LARGE1: variants seen among roughly 807,000 people sequenced by gnomAD.
LARGE1 encodes the protein xylosyl- and glucuronyltransferase LARGE1.
Under a neutral mutation model 87.6 loss-of-function variants are expected in LARGE1, and 43 were observed. The observed-to-expected ratio is 0.49, with a 90% confidence interval of 0.38 to 0.63. The LOEUF is 0.63. Among genes scored for constraint, LARGE1 ranks in the 30% least tolerant of loss-of-function variants. The pLI, the probability that LARGE1 is intolerant of heterozygous loss-of-function variation, is 0.00. For synonymous variants in LARGE1, 434 were observed against 394.6 expected (o/e 1.10, Z -1.18); for missense variants, 802 against 1,000.2 (o/e 0.80, Z 2.67).
chr22:33,840,253 A>G (rs922537699), intron 1 of LARGE1, among the ~76,000 whole-genome samples: 1 of 152,218 alleles, frequency 6.6e-6, no homozygotes, highest in Non-Finnish European at 1.5e-5. Context: ...CCCTCACTGT[A>G]AAATCTAGGA....
intron 9 of LARGE1, 118 bp downstream of exon 9, chr22:33,381,801 C>T (rs1381687977): frequency 4.5e-6 from 6 of 1,322,412 alleles, no homozygotes; most frequent in East Asian, 2.3e-5. Flanking sequence ...ATTCTGCTCT[C>T]CTGTGCCCTT....
intron 11 of LARGE1, among the ~76,000 whole-genome samples, chr22:33,224,012 G>C (rs1414094077): frequency 1.3e-5 from 2 of 152,194 alleles, no homozygotes; most frequent in African/African-American, 4.8e-5. Context: ...AAAGTGCTCA[G>C]GATGGGCGCG....
chr22:33,436,545 A>C (rs1451443941), intron 6 of LARGE1: 1 of 154,238 alleles, frequency 6.5e-6, no homozygotes, highest in Non-Finnish European at 1.5e-5. Context: ...CGGTTTCTAG[A>C]AGGAGGGATT....
intron 6 of LARGE1, among the ~76,000 whole-genome samples, chr22:33,449,516 C>CT (rs1316975096): frequency 6.6e-6 from 1 of 152,222 alleles, no homozygotes; most frequent in African/African-American, 2.4e-5. Flanking sequence ...ATCAAGCACT[C>CT]TGACTCCAAA....
At chr22:33,167,263 TA>T (rs1478851695) in intron 11 of LARGE1, among the ~76,000 whole-genome samples, 1 of 152,194 alleles carries the variant, frequency 6.6e-6, no homozygotes, top group African/African-American at 2.4e-5. Context: ...TTCTCCATAC[TA>T]AAAAAGTCTT....
chr22:33,649,432 T>C (rs1281197015), intron 3 of LARGE1, among the ~76,000 whole-genome samples: 1 of 152,246 alleles, frequency 6.6e-6, no homozygotes, highest in Non-Finnish European at 1.5e-5. Context: ...TATCTATGTT[T>C]AACTAAGAAT....
intron 7 of LARGE1, among the ~76,000 whole-genome samples, chr22:33,408,032 G>C (rs2066165158): frequency 6.6e-6 from 1 of 150,420 alleles, no homozygotes; most frequent in Non-Finnish European, 1.5e-5. Flanking sequence ...CCAGGCTGGA[G>C]TGCAGTGGCA....
intron 10 of LARGE1, among the ~76,000 whole-genome samples, chr22:33,335,738 AC>A (rs1256222862): frequency 6.6e-6 from 1 of 152,074 alleles, no homozygotes; most frequent in Non-Finnish European, 1.5e-5. Context: ...GGGCCTTTGC[AC>A]CAGCTACTTC....
the LARGE1 span, among the ~76,000 whole-genome samples, chr22:33,145,794 A>C: frequency 6.6e-6 from 1 of 152,214 alleles, no homozygotes; most frequent in East Asian, 1.9e-4. Context: ...CCAAATTGGC[A>C]ATGGCTAAGT....
At chr22:33,856,295 G>A (rs939455947) in intron 1 of LARGE1, among the ~76,000 whole-genome samples, 17 of 152,296 alleles carry the variant, frequency 1.1e-4, no homozygotes, top group African/African-American at 4.1e-4. Flanking sequence ...CCATGGAAGA[G>A]GGTCAGAACC....
intron 2 of LARGE1, among the ~76,000 whole-genome samples, chr22:33,676,316 T>C (rs2081574532): frequency 8.7e-6 from 1 of 115,494 alleles, no homozygotes; most frequent in African/African-American, 3.3e-5. Context: ...TATTTGCACA[T>C]CAGAGAATAC....
At chr22:33,618,575 A>G (rs939068702) in intron 4 of LARGE1, among the ~76,000 whole-genome samples, 4 of 152,262 alleles carry the variant, frequency 2.6e-5, no homozygotes, top group Middle Eastern at 3.2e-3. Context: ...CTGTTCAAAG[A>G]TATCACGTGC....
At chr22:33,561,448 TGCCAG>T (rs1569271104) in intron 6 of LARGE1, among the ~76,000 whole-genome samples, 2 of 152,178 alleles carry the variant, frequency 1.3e-5, no homozygotes, top group Admixed American at 6.5e-5. Flanking sequence ...GAGGGACCCC[TGCCAG>T]GTATACCAGA....
At chr22:33,788,479 GTAAC>G (rs1278735865) in intron 1 of LARGE1, among the ~76,000 whole-genome samples, 3 of 152,224 alleles carry the variant, frequency 2.0e-5, no homozygotes, top group Non-Finnish European at 4.4e-5. Flanking sequence ...TTGGAACTGA[GTAAC>G]AGGCAGAGGT....
intron 11 of LARGE1, among the ~76,000 whole-genome samples, chr22:33,176,549 T>C (rs1922883108): frequency 6.6e-6 from 1 of 152,182 alleles, no homozygotes; most frequent in Non-Finnish European, 1.5e-5. Context: ...AACAAACTTA[T>C]GACAAAATGC....
At chr22:33,561,538 C>A (rs1015501987) in intron 6 of LARGE1, among the ~76,000 whole-genome samples, 2 of 152,244 alleles carry the variant, frequency 1.3e-5, no homozygotes, top group African/African-American at 4.8e-5. Context: ...CTGCTAGCCA[C>A]TCTGGTACTA....
intron 5 of LARGE1, among the ~76,000 whole-genome samples, chr22:33,598,020 A>C (rs1430450112): frequency 1.3e-5 from 2 of 152,190 alleles, no homozygotes; most frequent in African/African-American, 2.4e-5. Context: ...CAGGCCTTCC[A>C]TGCAGGAGCC....
chr22:33,896,099 T>A (rs1397617787), intron 1 of LARGE1, among the ~76,000 whole-genome samples: 1 of 152,154 alleles, frequency 6.6e-6, no homozygotes, highest in Non-Finnish European at 1.5e-5. Flanking sequence ...ATTCTCTCCT[T>A]CCCCTAGTCC....
At chr22:33,730,553 TC>T (rs1201387424) in intron 2 of LARGE1, among the ~76,000 whole-genome samples, 4 of 152,192 alleles carry the variant, frequency 2.6e-5, no homozygotes, top group African/African-American at 9.7e-5. Context: ...TGTCCCTAGT[TC>T]CCATGTTGTT....
Sources: allele counts gnomAD v4.1 joint callset (sites outside exome capture counted in the v4.1 genomes callset), GRCh38; gene constraint gnomAD v4.1.1; transcripts MANE v1.5; gene names NCBI Gene and HGNC (gene_info 2026-07-23, HGNC 2026-07-21).